Variants in SETD5 observed in about 807,000 individuals in gnomAD.
SETD5 encodes the protein SET domain containing 5, also known as histone-lysine N-methyltransferase SETD5.
Under a neutral mutation model 153.3 loss-of-function variants are expected in SETD5, and 44 were observed. That is an observed-to-expected ratio of 0.29 (90% CI 0.23 to 0.37). The LOEUF is 0.37. SETD5 is among the 10% of genes least tolerant of loss of function. The pLI, the probability that SETD5 is intolerant of heterozygous loss-of-function variation, is 1.00. For synonymous variants in SETD5, 716 were observed against 645.2 expected, an observed-to-expected ratio of 1.11 and a Z score of -1.66; for missense variants, 1,544 against 1,768.0, an observed-to-expected ratio of 0.87 and a Z score of 2.27.
At position 9,475,615 on chromosome 3, in the gene SETD5, C is replaced by G. The variant is rs372152804; in HGVS notation, c.3853C>G (p.Pro1285Ala). The G allele has an allele frequency of 4.5e-5, 72 of 1,613,842 alleles. No individual in the cohort carries two copies. Among genetic ancestry groups the G allele is most frequent in the South Asian group, 1.3e-4 (12 of 91,086 alleles). Residue 1285 changes from proline (P) to alanine (A), a missense_variant, in exon 23 of 23, where the codon CCC (proline) becomes GCC (alanine). By Grantham distance (27) the Pro-to-Ala change is conservative. This residue lies in a region of SETD5 where 302 missense variants were observed against 277.6 expected (regional missense o/e 1.09). Coordinates refer to ENST00000402198, the MANE Select transcript of SETD5 (RefSeq NM_001080517.3). ...RTTALRPGNP[P>A]SHGSSESSLS... Reference sequence around the variant, plus strand: ...TACTGCACTGAGACCTGGAAACCCCCCCTCTCACGGTTCTTCAGAATCATC... The same window carrying G: ...TACTGCACTGAGACCTGGAAACCCCGCCTCTCACGGTTCTTCAGAATCATC...
In SETD5 at chr3:9,470,864, C is replaced by T; in HGVS notation, c.3130C>T (p.Pro1044Ser). The T allele has an allele frequency of 6.2e-7, 1 of 1,611,396 alleles. No homozygotes were observed. Among genetic ancestry groups the T allele is most frequent in the Non-Finnish European group, 8.5e-7 (1 of 1,178,740 alleles). The change falls in exon 19 of 23, where the codon CCT becomes TCT. Residue 1044 changes from proline to serine, a missense_variant. Physicochemically the swap from Pro to Ser is moderately conservative, Grantham distance 74. Around this residue, in one of 9 missense-constraint regions of SETD5, gnomAD observed 782 missense variants for 787.2 expected, o/e 0.99. Coordinates refer to ENST00000402198, the MANE Select transcript of SETD5 (RefSeq NM_001080517.3). ...AGACCTCTCTCGTGGATCCTTGTCA[C>T]CTGGTGGTGAAAGGGCCTGTGAAGG... is the stretch of plus-strand genomic sequence containing the variant. ...MKDLSRGSLSPGGERACEGVP... is the reference protein window; with the variant it reads ...MKDLSRGSLSSGGERACEGVP...
Position 9,464,580 on chromosome 3 carries a change from G to C in SETD5, c.2632G>C (p.Glu878Gln), listed in dbSNP as rs757718444. 1 of 1,614,010 alleles carries C rather than the reference G, an allele frequency of 6.2e-7. No individual in the cohort carries two copies. Among genetic ancestry groups the C allele is most frequent in the Non-Finnish European group, 8.5e-7 (1 of 1,179,898 alleles). ...LATPGSSHPG[E>Q]EECRNGYSLM... Reference sequence around the variant, plus strand: ...CACACCTGGCTCATCTCACCCAGGAGAAGAGGAGTGTCGAAATGGATACAG... The same window carrying C: ...CACACCTGGCTCATCTCACCCAGGACAAGAGGAGTGTCGAAATGGATACAG... The change falls in exon 18 of 23, where the codon GAA becomes CAA. Residue 878 changes from glutamate to glutamine, a missense_variant. Glu to Gln is a conservative substitution (Grantham distance 29). Coordinates refer to ENST00000402198, the MANE Select transcript of SETD5 (RefSeq NM_001080517.3).
intron 17 of SETD5, among the ~76,000 whole-genome samples, chr3:9,455,500 A>G (rs1211141932): frequency 1.3e-5 from 2 of 152,146 alleles, no homozygotes; most frequent in Non-Finnish European, 2.9e-5. Flanking sequence ...ACCTCAGGAT[A>G]ATAAAATTCC....
chr3:9,457,279 G>A (rs1254814523), intron 17 of SETD5, among the ~76,000 whole-genome samples: 9 of 152,112 alleles, frequency 5.9e-5, no homozygotes, highest in Non-Finnish European at 1.2e-4. Flanking sequence ...ACAAGGTCAG[G>A]AGATCGAGAC....
chr3:9,445,023 C>G (rs567013036), intron 11 of SETD5, 25 bp from the exon 12 acceptor site: 47 of 1,606,802 alleles, frequency 2.9e-5, no homozygotes, highest in Middle Eastern at 1.7e-4. Flanking sequence ...CTGAGACAGG[C>G]ATTTTGGTTG....
At chr3:9,413,348 A>C (rs1391623088) in intron 1 of SETD5, among the ~76,000 whole-genome samples, 1 of 152,232 alleles carries the variant, frequency 6.6e-6, no homozygotes. Context: ...TAGTGTGTTC[A>C]GTGTGCAATA....
chr3:9,438,352 C>T (rs1431123239), intron 7 of SETD5, among the ~76,000 whole-genome samples: 1 of 152,108 alleles, frequency 6.6e-6, no homozygotes, highest in Non-Finnish European at 1.5e-5. Flanking sequence ...GATAATAGCC[C>T]TAATCCTGGC....
Position 9,442,197 on chromosome 3 carries a change from C to G in SETD5, c.1029C>G (p.Phe343Leu). Residue 343 changes from phenylalanine to leucine, a missense_variant, in exon 10 of 23, where the codon TTC becomes TTG. Phe to Leu is a conservative substitution (Grantham distance 22, BLOSUM62 0). This residue lies in a region of SETD5 where 46 missense variants were observed against 111.8 expected (regional missense o/e 0.41). Transcript: ENST00000402198. ...AGATGTGTGTGGATGCCCGTACTTT[C>G]GGTAATGATGCTCGGTTCATCAGAA... Reference protein sequence around the residue: ...GVEMCVDARTFGNDARFIRRS... With the variant: ...GVEMCVDARTLGNDARFIRRS... The G allele has an allele frequency of 6.2e-7, 1 of 1,610,116 alleles. No individual in the cohort carries two copies. The highest frequency in any genetic ancestry group is 8.5e-7 in the Non-Finnish European group (1 of 1,178,514).
At chr3:9,443,771 A>G (rs1182377851) in intron 11 of SETD5, among the ~76,000 whole-genome samples, 4 of 152,222 alleles carry the variant, frequency 2.6e-5, no homozygotes, top group Non-Finnish European at 1.5e-5. Flanking sequence ...ACCATATAGA[A>G]TGAGAATTTA....
At chr3:9,469,650 A>G (rs1049936352) in intron 18 of SETD5, among the ~76,000 whole-genome samples, 1 of 152,188 alleles carries the variant, frequency 6.6e-6, no homozygotes. Flanking sequence ...CTGATATGGT[A>G]TGGTATCTGG....
At chr3:9,467,172 C>CCTGGGCAA (rs1402767635) in intron 18 of SETD5, among the ~76,000 whole-genome samples, 3 of 142,162 alleles carry the variant, frequency 2.1e-5, no homozygotes. Flanking sequence ...CACATTCCAG[C>CCTGGGCAA]CTGGGCAACA....
intron 7 of SETD5, chr3:9,436,985 A>T (rs1361109143): frequency 1.8e-6 from 2 of 1,117,990 alleles, no homozygotes; most frequent in Non-Finnish European, 1.3e-6. Context: ...GGAATCTTGG[A>T]CTCTGCTTTT....
Position 9,445,204 on chromosome 3 carries a change from G to A in SETD5, c.1344G>A (p.Glu448=). 6.2e-7 allele frequency: 1 copy of A among 1,613,704 alleles called. No homozygotes were observed. Among genetic ancestry groups the A allele is most frequent in the Middle Eastern group, 1.6e-4 (1 of 6,062 alleles). The change falls in exon 12 of 23, where the codon GAG becomes GAA. Residue 448 remains glutamate (E), a synonymous_variant. Coordinates refer to ENST00000402198, the MANE Select transcript of SETD5 (RefSeq NM_001080517.3). ...GACGTAGAAAAGCACGACGGAAAGAGCTAGAGATGGAGCAGCAGAATGAGG... is the reference window on the plus strand; with the variant it reads ...GACGTAGAAAAGCACGACGGAAAGAACTAGAGATGGAGCAGCAGAATGAGG... ...ETRRRKARRK[E]LEMEQQNEAS...
chr3:9,450,327 C>G (rs2042471964), intron 16 of SETD5, among the ~76,000 whole-genome samples: 1 of 152,186 alleles, frequency 6.6e-6, no homozygotes, highest in Non-Finnish European at 1.5e-5. Flanking sequence ...GCACTTTTAT[C>G]TATGTGTCAT....
chr3:9,429,660 C>T lies in SETD5; in HGVS notation c.71+651C>T, dbSNP rs893868576. On this transcript the variant is annotated intron_variant, in intron 3 of 22. Transcript: ENST00000402198. ...CTTGAAGAATGTAAATGCCAAATGA[C>T]AATGAAGGTAGGCCTTCATTATACA... Among the ~76,000 whole-genome samples the T allele has an allele frequency of 6.6e-6, 1 of 152,124 alleles. No homozygotes were observed. The highest frequency in any genetic ancestry group is 1.5e-5 in the Non-Finnish European group (1 of 68,026).
intron 17 of SETD5, among the ~76,000 whole-genome samples, chr3:9,455,981 G>A (rs1477309951): frequency 1.3e-5 from 2 of 152,086 alleles, no homozygotes; most frequent in Non-Finnish European, 2.9e-5. Context: ...AAATCAAGCA[G>A]CAGTCAAATG....
chr3:9,468,601 A>T, intron 18 of SETD5: 1 of 1,302,848 alleles, frequency 7.7e-7, no homozygotes. Context: ...TCTCAATCAC[A>T]CTTGGAGGCT....
intron 9 of SETD5, 137 bp downstream of exon 9, chr3:9,441,878 A>G: frequency 2.8e-6 from 3 of 1,084,004 alleles, no homozygotes; most frequent in Non-Finnish European, 4.1e-6. Flanking sequence ...CCTGTCTGCT[A>G]TTTGTAGAGA....
intron 1 of SETD5, among the ~76,000 whole-genome samples, chr3:9,399,770 A>C (rs1438981995): frequency 6.6e-6 from 1 of 151,586 alleles, no homozygotes; most frequent in African/African-American, 2.4e-5. Context: ...GGGTGACCTT[A>C]GGATTGTTTC....
Sources: allele counts gnomAD v4.1 joint callset (sites outside exome capture counted in the v4.1 genomes callset), GRCh38; gene constraint gnomAD v4.1.1; regional missense constraint gnomAD v4.1.1; transcripts MANE v1.5; gene names NCBI Gene and HGNC (gene_info 2026-07-23, HGNC 2026-07-21).